The following RNF19A variants were observed in gnomAD, a reference collection of about 807,000 sequenced individuals.
RNF19A encodes E3 ubiquitin-protein ligase RNF19A.
Under a neutral mutation model 75.7 loss-of-function variants are expected in RNF19A, and 32 were observed. The observed-to-expected ratio is 0.42, with a 90% CI of 0.32 to 0.57. The LOEUF (loss-of-function observed/expected upper bound fraction) is 0.57, where lower values mean the gene tolerates loss of function less well. Among genes scored for constraint, RNF19A ranks in the 20% least tolerant of loss-of-function variants. The pLI, the probability that RNF19A is intolerant of heterozygous loss-of-function variation, is 0.10. For missense variants in RNF19A, 782 were observed against 1,036.3 expected (o/e 0.75, Z 3.37); for synonymous variants, 335 against 345.2 (o/e 0.97, Z 0.33).
chr8:100,282,357 C>T (rs781297676), intron 2 of RNF19A, among the ~76,000 whole-genome samples: 8 of 152,144 alleles, frequency 5.3e-5, no homozygotes, highest in Non-Finnish European at 1.0e-4. Context: ...AAGTTTATTA[C>T]ACTGTCAGAA....
At chr8:100,305,779 T>C (rs1822040372) in intron 1 of RNF19A, among the ~76,000 whole-genome samples, 1 of 152,224 alleles carries the variant, frequency 6.6e-6, no homozygotes, top group African/African-American at 2.4e-5. Context: ...TTAGCTCCTA[T>C]ACTTCTGCAC....
chr8:100,280,837 G>A (rs930225011), intron 2 of RNF19A, among the ~76,000 whole-genome samples: 4 of 152,164 alleles, frequency 2.6e-5, no homozygotes, highest in Non-Finnish European at 4.4e-5. Context: ...TGAAGATGAC[G>A]TTCCTTTTGT....
At chr8:100,280,784 T>C (rs1488185392) in intron 2 of RNF19A, among the ~76,000 whole-genome samples, 1 of 152,250 alleles carries the variant, frequency 6.6e-6, no homozygotes, top group Non-Finnish European at 1.5e-5. Context: ...GAATTAAATG[T>C]ACCTGGCATT....
In RNF19A at chr8:100,330,204, C is replaced by T. The variant is rs971067183; in HGVS notation, c.-243+5904G>A. Among the ~76,000 whole-genome samples, 2 of 152,212 alleles carry T rather than the reference C, an allele frequency of 1.3e-5. No homozygotes were observed. Among genetic ancestry groups the T allele is most frequent in the African/African-American group, 2.4e-5 (1 of 41,456 alleles). ...ACCTTCTCTAGCATCTTAACTTTTTCTCTCTCCAAAGCCTCTTTCTAATTT... is the reference window on the plus strand; with the variant it reads ...ACCTTCTCTAGCATCTTAACTTTTTTTCTCTCCAAAGCCTCTTTCTAATTT... On this transcript the variant is annotated intron_variant, in intron 1 of 3. Coordinates refer to the RNF19A transcript ENST00000519527. This position sits in a 1 kb window ranked among gnomAD's most constrained non-coding sequence, Gnocchi z 4.1.
At chr8:100,315,711 G>A (rs1429687682) in intron 1 of RNF19A, among the ~76,000 whole-genome samples, 2 of 152,114 alleles carry the variant, frequency 1.3e-5, no homozygotes, top group Non-Finnish European at 2.9e-5. Context: ...GAGTGCAGTG[G>A]TGCAGTGCGA....
At position 100,287,494 on chromosome 8, in the gene RNF19A, T is replaced by C. The variant is rs1272813794; in HGVS notation, c.674+7A>G. On this transcript the variant is annotated splice_region_variant and intron_variant, in intron 2 of 9. Coordinates refer to ENST00000341084, the MANE Select transcript of RNF19A (RefSeq NM_183419.4). The surrounding 1 kb of genome is among the most constrained non-coding windows in gnomAD (Gnocchi z 4.1). The stretch of plus-strand genomic sequence containing the variant: ...AACTCAAGAAAAATCAAACATTATC[T>C]TCTTACCCACAGTCTGGAGCTGGAC... 31 of 1,569,012 alleles carry C rather than the reference T, an allele frequency of 2.0e-5. No homozygotes were observed. The highest frequency in any genetic ancestry group is 2.7e-5 in the Non-Finnish European group (31 of 1,158,200).
In RNF19A at chr8:100,331,916, A is replaced by T. The variant is rs1431498293; in HGVS notation, c.-243+4192T>A. Among the ~76,000 whole-genome samples the T allele has an allele frequency of 1.3e-5, 2 of 152,288 alleles. No individual in the cohort carries two copies. Among genetic ancestry groups the T allele is most frequent in the African/African-American group, 4.8e-5 (2 of 41,560 alleles). ...AATATATCTTGGAGAATTACTATTAATATATCAGTACCTACAAACTCACAC... is the reference window on the plus strand; with the variant it reads ...AATATATCTTGGAGAATTACTATTATTATATCAGTACCTACAAACTCACAC... On this transcript the variant is annotated intron_variant, in intron 1 of 3. Transcript: ENST00000519527. This position sits in a 1 kb window ranked among gnomAD's most constrained non-coding sequence, Gnocchi z 5.2.
At chr8:100,298,052 C>A (rs1660334) in intron 1 of RNF19A, among the ~76,000 whole-genome samples, 1 of 151,888 alleles carries the variant, frequency 6.6e-6, no homozygotes, top group South Asian at 2.1e-4. Context: ...ACAGTACCTA[C>A]AGTCCATAGA....
At chr8:100,304,726 T>C (rs1362320379) in intron 1 of RNF19A, among the ~76,000 whole-genome samples, 1 of 152,250 alleles carries the variant, frequency 6.6e-6, no homozygotes, top group Non-Finnish European at 1.5e-5. Flanking sequence ...TATTGATTTA[T>C]TGTTACTGAT....
intron 5 of RNF19A, among the ~76,000 whole-genome samples, chr8:100,265,567 CCCT>C (rs988488901): frequency 2.6e-5 from 4 of 152,096 alleles, no homozygotes; most frequent in Non-Finnish European, 5.9e-5. Flanking sequence ...CACATTTTCC[CCCT>C]CTGTTCCAAA....
chr8:100,297,486 T>C (rs905887409), intron 1 of RNF19A, among the ~76,000 whole-genome samples: 7 of 152,236 alleles, frequency 4.6e-5, no homozygotes, highest in South Asian at 2.1e-4. Context: ...ATTCCACTTA[T>C]GGCTAAGTGT....
chr8:100,314,627 T>C (rs1822347291), upstream of RNF19A, among the ~76,000 whole-genome samples: 1 of 152,102 alleles, frequency 6.6e-6, no homozygotes, highest in African/African-American at 2.4e-5. The surrounding 1 kb of genome is among the most constrained non-coding windows in gnomAD (Gnocchi z 4.1). Context: ...CTAACTTTCT[T>C]TCTCTTTGTA....
chr8:100,281,837 A>G (rs1016279916), intron 2 of RNF19A, among the ~76,000 whole-genome samples: 6 of 152,336 alleles, frequency 3.9e-5, no homozygotes, highest in East Asian at 1.9e-4. Context: ...GTCAAGTTTT[A>G]TATCAGAATC....
chr8:100,299,123 C>G (rs1265905534), intron 1 of RNF19A, among the ~76,000 whole-genome samples: 1 of 152,188 alleles, frequency 6.6e-6, no homozygotes, highest in Non-Finnish European at 1.5e-5. Context: ...AAACACTAAC[C>G]TAGTATTAGA....
rs1415942009 is a variant in RNF19A, at chr8:100,257,847, A to C, written c.*709T>G. The C allele has an allele frequency of 2.5e-6, 1 of 394,304 alleles. No individual in the cohort carries two copies. The highest frequency in any genetic ancestry group is 4.5e-6 in the Non-Finnish European group (1 of 223,598). 24.4% of individuals were successfully genotyped at this position (394,304 alleles called of 1,614,324 possible). ...TAATGGGACTTTATTTTGTAGTTTT[A>C]TGTATCTTATTTGTTGCTGTCATAT... On this transcript the variant is annotated 3_prime_UTR_variant, in exon 10 of 10. Transcript: ENST00000341084.
intron 1 of RNF19A, among the ~76,000 whole-genome samples, chr8:100,295,604 A>G (rs1586663774): frequency 6.6e-6 from 1 of 152,208 alleles, no homozygotes; most frequent in Admixed American, 6.5e-5. Flanking sequence ...AGCATTTACT[A>G]TATGTAGTGT....
At chr8:100,286,737 T>C (rs1469865941) in intron 2 of RNF19A, among the ~76,000 whole-genome samples, 1 of 152,182 alleles carries the variant, frequency 6.6e-6, no homozygotes, top group Non-Finnish European at 1.5e-5. Context: ...AAACCTTACT[T>C]ATAATCTCTG....
rs1820155672 is a variant in RNF19A, at chr8:100,269,575, TG to T, written c.1028+293del. 6.6e-6 allele frequency among the ~76,000 whole-genome samples: 1 copy of T among 152,160 alleles called. No individual in the cohort carries two copies. The highest frequency in any genetic ancestry group is 1.5e-5 in the Non-Finnish European group (1 of 68,010). On this transcript the variant is annotated intron_variant, in intron 4 of 9. Coordinates refer to ENST00000341084, the MANE Select transcript of RNF19A (RefSeq NM_183419.4). This position sits in a 1 kb window ranked among gnomAD's most constrained non-coding sequence, Gnocchi z 5.7. The stretch of plus-strand genomic sequence containing the variant: ...CTCTGTGCCTAAATGATAAAATTTA[TG>T]TATGGGAAAATTAAATGAAAGTATT...
At chr8:100,316,491 AT>A (rs1822377551) in intron 1 of RNF19A, among the ~76,000 whole-genome samples, 1 of 152,136 alleles carries the variant, frequency 6.6e-6, no homozygotes, top group Non-Finnish European at 1.5e-5. Context: ...TGAGCTAGAT[AT>A]AAAGGTTCTC....
Sources: gnomAD v4.1 joint callset for allele counts (sites outside exome capture counted in the v4.1 genomes callset) on GRCh38, gnomAD v4.1.1 for gene constraint, Gnocchi (gnomAD v3.1) non-coding constraint, MANE v1.5 for transcripts, NCBI Gene and HGNC (gene_info 2026-07-23, HGNC 2026-07-21) for gene names.